The following TNFSF4 variants were observed in gnomAD, a reference collection of about 807,000 sequenced individuals.
TNFSF4 encodes TNF superfamily member 4.
Under a neutral mutation model 7.3 loss-of-function variants are expected in TNFSF4, and 4 were observed. The ratio of observed to expected loss-of-function variants is 0.55; its 90% confidence interval spans 0.27 to 1.25. TNFSF4 has a LOEUF of 1.25. Among genes scored for constraint, TNFSF4 ranks in the 50% most tolerant of loss-of-function variants. TNFSF4 has a pLI of 0.12. For missense variants in TNFSF4, 181 were observed against 208.8 expected (o/e 0.87, Z 0.82); for synonymous variants, 76 against 83.7 (o/e 0.91, Z 0.50).
the TNFSF4 span, among the ~76,000 whole-genome samples, chr1:173,238,740 A>AAGAAACT: frequency 6.7e-6 from 1 of 149,304 alleles, no homozygotes; most frequent in Non-Finnish European, 1.5e-5. Flanking sequence ...ATTACTAAAA[A>AAGAAACT]GTCAAAAAAT....
chr1:173,274,572 G>C, the TNFSF4 span, among the ~76,000 whole-genome samples: 1 of 152,068 alleles, frequency 6.6e-6, no homozygotes, highest in Non-Finnish European at 1.5e-5. Flanking sequence ...GGATGTGATA[G>C]ATTCCCTGAT....
chr1:173,332,021 G>C, the TNFSF4 span, among the ~76,000 whole-genome samples: 9 of 152,148 alleles, frequency 5.9e-5, no homozygotes, highest in Non-Finnish European at 7.4e-5. Context: ...CAATGTACAG[G>C]ACAGCTTCTT....
the TNFSF4 span, among the ~76,000 whole-genome samples, chr1:173,359,676 A>G: frequency 6.6e-6 from 1 of 151,922 alleles, no homozygotes; most frequent in African/African-American, 2.4e-5. Context: ...ATTTTCCTTC[A>G]TGCTTCCTTC....
At chr1:173,277,990 TTAGTG>T in the TNFSF4 span, among the ~76,000 whole-genome samples, 6 of 152,122 alleles carry the variant, frequency 3.9e-5, no homozygotes, top group East Asian at 9.7e-4. Context: ...GTGTAAAACT[TTAGTG>T]TAGGTCCAAA....
chr1:173,349,236 G>C, the TNFSF4 span, among the ~76,000 whole-genome samples: 1 of 151,964 alleles, frequency 6.6e-6, no homozygotes, highest in African/African-American at 2.4e-5. Context: ...CACCACGTTA[G>C]CCAGGATGGT....
chr1:173,264,009 A>T, the TNFSF4 span, among the ~76,000 whole-genome samples: 2 of 152,246 alleles, frequency 1.3e-5, no homozygotes, highest in Non-Finnish European at 2.9e-5. Context: ...GGAGAGGAGC[A>T]GAAAAAATAA....
chr1:173,294,371 A>G, the TNFSF4 span, among the ~76,000 whole-genome samples: 1 of 150,254 alleles, frequency 6.7e-6, no homozygotes, highest in Non-Finnish European at 1.5e-5. Flanking sequence ...CAAATACTGC[A>G]CATTCTCACT....
chr1:173,440,629 A>G, the TNFSF4 span: 1 of 152,212 alleles, frequency 6.6e-6, no homozygotes, highest in African/African-American at 2.4e-5. Flanking sequence ...TCTTATTCAT[A>G]TAAGAACCAA....
chr1:173,268,217 A>G, the TNFSF4 span, among the ~76,000 whole-genome samples: 3 of 152,148 alleles, frequency 2.0e-5, no homozygotes, highest in Non-Finnish European at 4.4e-5. Context: ...TCAGACAGAA[A>G]AGAAGGGCAA....
At chr1:173,348,134 G>T in the TNFSF4 span, among the ~76,000 whole-genome samples, 1 of 152,188 alleles carries the variant, frequency 6.6e-6, no homozygotes, top group Admixed American at 6.5e-5. Flanking sequence ...ATATGGTTTT[G>T]CTGTGTCCCC....
At chr1:173,413,355 G>A in the TNFSF4 span, among the ~76,000 whole-genome samples, 1 of 152,172 alleles carries the variant, frequency 6.6e-6, no homozygotes. Flanking sequence ...TATCTGTGGG[G>A]GAACTTGTTA....
chr1:173,384,957 T>C, the TNFSF4 span, among the ~76,000 whole-genome samples: 14 of 152,258 alleles, frequency 9.2e-5, no homozygotes, highest in African/African-American at 2.9e-4. Context: ...AGTGTAGTCA[T>C]AGTGCTGAAA....
chr1:173,359,460 A>G, the TNFSF4 span, among the ~76,000 whole-genome samples: 4 of 79,910 alleles, frequency 5.0e-5, no homozygotes, highest in African/African-American at 1.7e-4. Flanking sequence ...TTTAAAAAAA[A>G]AAAAAGAAAA....
chr1:173,176,512 G>A, the TNFSF4 span, among the ~76,000 whole-genome samples: 1 of 152,240 alleles, frequency 6.6e-6, no homozygotes, highest in Admixed American at 6.5e-5. Context: ...ATGCTTATAC[G>A]CTGCTGGAGG....
chr1:173,230,757 A>G, the TNFSF4 span, among the ~76,000 whole-genome samples: 1 of 152,230 alleles, frequency 6.6e-6, no homozygotes, highest in African/African-American at 2.4e-5. Flanking sequence ...ATCACCACCA[A>G]TCCCACAGAA....
chr1:173,449,349 CT>C, the TNFSF4 span, among the ~76,000 whole-genome samples: 161 of 121,662 alleles, frequency 1.3e-3, no homozygotes, highest in South Asian at 2.2e-3. Context: ...TTCTTTCTTT[CT>C]TTTTTTTTTT....
At chr1:173,279,280 C>A in the TNFSF4 span, among the ~76,000 whole-genome samples, 1 of 152,062 alleles carries the variant, frequency 6.6e-6, no homozygotes, top group South Asian at 2.1e-4. Context: ...CTTTACAGAA[C>A]TCTCTTTCCA....
At chr1:173,285,891 T>G in the TNFSF4 span, among the ~76,000 whole-genome samples, 5 of 152,192 alleles carry the variant, frequency 3.3e-5, no homozygotes, top group Non-Finnish European at 5.9e-5. Flanking sequence ...ACCATATCTT[T>G]GAGGTATGCC....
the TNFSF4 span, among the ~76,000 whole-genome samples, chr1:173,239,359 C>T: frequency 1.3e-5 from 2 of 152,152 alleles, no homozygotes; most frequent in East Asian, 3.9e-4. Flanking sequence ...TTGGGTTTTG[C>T]TCTCTCAGTC....
Sources: allele counts gnomAD v4.1 joint callset (sites outside exome capture counted in the v4.1 genomes callset), GRCh38; gene constraint gnomAD v4.1.1; transcripts MANE v1.5; gene names NCBI Gene and HGNC (gene_info 2026-07-23, HGNC 2026-07-21).